Variants in NRXN3 observed in about 807,000 individuals in gnomAD.
NRXN3 encodes the protein neurexin 3, also known as neurexin III.
In NRXN3, 32 loss-of-function variants were observed where a neutral mutation model predicts 137.6. The observed-to-expected ratio is 0.23, with a 90% CI of 0.18 to 0.31. The LOEUF is 0.31. Among genes scored for constraint, NRXN3 ranks in the 10% least tolerant of loss-of-function variants. NRXN3 has a pLI of 1.00. For missense variants in NRXN3, 1,574 were observed against 2,062.5 expected (o/e 0.76, Z 4.59); for synonymous variants, 798 against 784.5 (o/e 1.02, Z -0.29).
At chr14:78,435,764 C>T (rs965294840) in intron 4 of NRXN3, among the ~76,000 whole-genome samples, 2 of 152,130 alleles carry the variant, frequency 1.3e-5, no homozygotes, top group Non-Finnish European at 2.9e-5. Context: ...CCAAAGGTCA[C>T]ACATCGACGT....
chr14:79,712,992 T>C (rs1335257434), intron 19 of NRXN3, among the ~76,000 whole-genome samples: 2 of 152,178 alleles, frequency 1.3e-5, no homozygotes, highest in Non-Finnish European at 2.9e-5. Context: ...ATCTGAAGAA[T>C]GTTTTATTCC....
chr14:78,252,817 T>C (rs1012629719), intron 2 of NRXN3, among the ~76,000 whole-genome samples: 3 of 152,238 alleles, frequency 2.0e-5, no homozygotes, highest in Non-Finnish European at 2.9e-5. Context: ...ATTTACTTAA[T>C]AGGTTGCTTT....
chr14:78,244,408 TGACA>T lies in NRXN3; in HGVS notation c.709+609_709+612del, dbSNP rs563759299. On this transcript the variant is annotated intron_variant, in intron 2 of 20. Transcript: ENST00000335750. ...ATGCACCACTGCACTCCAGCCTGGG[TGACA>T]GAGTGAGACTGTCTCAAAAAAGAAA... is the stretch of plus-strand genomic sequence containing the variant. 1.9e-4 allele frequency among the ~76,000 whole-genome samples: 29 copies of T among 149,466 alleles called. No homozygotes were observed. In the East Asian group the frequency reaches 4.6e-3, roughly 23 times the overall value.
chr14:79,103,650 A>C (rs2051788462), intron 15 of NRXN3, among the ~76,000 whole-genome samples: 1 of 152,118 alleles, frequency 6.6e-6, no homozygotes, highest in African/African-American at 2.4e-5. Context: ...CCATTGCCCA[A>C]GTTCCTGCAA....
chr14:78,929,455 G>A (rs900296601), intron 10 of NRXN3, among the ~76,000 whole-genome samples: 8 of 152,146 alleles, frequency 5.3e-5, no homozygotes, highest in African/African-American at 9.7e-5. Context: ...AGAACATGCA[G>A]TATTCAGTTT....
intron 15 of NRXN3, among the ~76,000 whole-genome samples, chr14:79,218,341 C>T (rs892275538): frequency 3.9e-5 from 6 of 152,068 alleles, no homozygotes; most frequent in Non-Finnish European, 4.4e-5. Flanking sequence ...CATCATGCCT[C>T]CAAAAACTGG....
intron 15 of NRXN3, among the ~76,000 whole-genome samples, chr14:79,049,466 C>T (rs568929369): frequency 6.6e-6 from 1 of 152,278 alleles, no homozygotes; most frequent in East Asian, 1.9e-4. Context: ...TCTGCAGTTA[C>T]TTCCTATGCC....
Position 78,432,261 on chromosome 14 carries a change from G to A in NRXN3, c.757+134401G>A, listed in dbSNP as rs112060623. 6.1e-3 allele frequency among the ~76,000 whole-genome samples: 926 copies of A among 151,440 alleles called. 10 individuals are homozygous for A. The highest frequency in any genetic ancestry group is 0.022 in the African/African-American group (889 of 41,174). On this transcript the variant is annotated intron_variant, in intron 4 of 20. Coordinates refer to ENST00000335750, the MANE Select transcript of NRXN3 (RefSeq NM_001330195.2). ...ATGCCAAGGCTGCTCCTTAGTGTGT[G>A]TATGGCTTGCCAGACCCATCTTCCA...
At chr14:78,932,498 G>T (rs541131962) in intron 10 of NRXN3, among the ~76,000 whole-genome samples, 1 of 152,160 alleles carries the variant, frequency 6.6e-6, no homozygotes. Flanking sequence ...TGGGATCAGA[G>T]TCTGATTGCA....
At position 78,756,883 on chromosome 14, in the gene NRXN3, T is replaced by G. The variant is rs149891494; in HGVS notation, c.2044+41744T>G. On this transcript the variant is annotated intron_variant, in intron 8 of 20. Coordinates refer to ENST00000335750, the MANE Select transcript of NRXN3 (RefSeq NM_001330195.2). ...CCTATATTTCTCCTTAATTTTCATT[T>G]GGTGGGTTATTAGATTTGGTTGAAG... Among the ~76,000 whole-genome samples, 300 of 152,358 alleles carry G rather than the reference T, an allele frequency of 2.0e-3. 1 individual carries two copies. Among genetic ancestry groups the G allele is most frequent in the African/African-American group, 6.9e-3 (289 of 41,592 alleles).
chr14:78,660,384 C>T (rs141186100), intron 6 of NRXN3, among the ~76,000 whole-genome samples: 1,691 of 151,932 alleles, frequency 0.011, 14 homozygotes, highest in South Asian at 0.027. Context: ...CTCCCAGCTC[C>T]GTTAGTGAGC....
At chr14:79,710,579 T>A (rs1329140114) in intron 19 of NRXN3, among the ~76,000 whole-genome samples, 1 of 152,214 alleles carries the variant, frequency 6.6e-6, no homozygotes, top group African/African-American at 2.4e-5. Context: ...CAAGGAGTAC[T>A]ATGATCTGGT....
At chr14:78,482,616 C>A (rs552339538) in intron 4 of NRXN3, among the ~76,000 whole-genome samples, 1 of 152,286 alleles carries the variant, frequency 6.6e-6, no homozygotes, top group East Asian at 1.9e-4. Context: ...GTCTCATGTA[C>A]TTCAACAAGG....
At chr14:79,386,723 A>C (rs1036685221) in intron 15 of NRXN3, among the ~76,000 whole-genome samples, 9 of 152,148 alleles carry the variant, frequency 5.9e-5, no homozygotes, top group African/African-American at 1.2e-4. Flanking sequence ...TACAGTAACC[A>C]AAACAGCATG....
rs188009150 is a variant in NRXN3, at chr14:78,227,095, C to A, written c.-703-15296C>A. 4.6e-5 allele frequency among the ~76,000 whole-genome samples: 7 copies of A among 152,196 alleles called. No homozygotes were observed. In the East Asian group the frequency reaches 1.4e-3, roughly 29 times the overall value. On this transcript the variant is annotated intron_variant, in intron 1 of 20. Transcript: ENST00000335750. ...TCCCTCTGGGCTCAACATTATGGTACCATGATTAATTAATGATTGATTAGT... is the reference window on the plus strand; with the variant it reads ...TCCCTCTGGGCTCAACATTATGGTAACATGATTAATTAATGATTGATTAGT...
chr14:79,433,721 A>G (rs1313748564), intron 15 of NRXN3, among the ~76,000 whole-genome samples: 4 of 152,228 alleles, frequency 2.6e-5, no homozygotes, highest in Admixed American at 2.6e-4. Flanking sequence ...GCAACATTTC[A>G]TAGATGATAA....
intron 15 of NRXN3, chr14:79,279,606 T>G: frequency 1.0e-6 from 1 of 987,058 alleles, no homozygotes; most frequent in Non-Finnish European, 1.2e-6. Context: ...CTGGCTGCGG[T>G]GGCTGCTGCT....
chr14:78,582,987 A>G (rs2097018700), intron 4 of NRXN3, among the ~76,000 whole-genome samples: 1 of 152,076 alleles, frequency 6.6e-6, no homozygotes, highest in South Asian at 2.1e-4. Flanking sequence ...GCCTTTATAA[A>G]TGGAATTGGC....
rs57745190 is a variant in NRXN3 at position 78,613,578 on chromosome 14, G to GTTTTTTTT, written c.758-31524_758-31517dup. 9.7e-4 allele frequency among the ~76,000 whole-genome samples: 92 copies of GTTTTTTTT among 95,096 alleles called. 1 individual carries two copies. The highest frequency in any genetic ancestry group is 4.0e-3 in the African/African-American group (86 of 21,702). 62.4% of individuals were successfully genotyped at this position (95,096 alleles called of 152,430 possible). A position where few individuals can be genotyped will look rare whatever the true frequency, so the allele number is the denominator to read the frequency against. On this transcript the variant is annotated intron_variant, in intron 4 of 20. Coordinates refer to ENST00000335750, the MANE Select transcript of NRXN3 (RefSeq NM_001330195.2). ...AGGAGAAAACTGTCTCACAACCATA[G>GTTTTTTTT]TTTTTTTTTTTTTTTTTTTTTTTTT...
Sources: gnomAD v4.1 joint callset for allele counts (sites outside exome capture counted in the v4.1 genomes callset) on GRCh38, gnomAD v4.1.1 for gene constraint, MANE v1.5 for transcripts, NCBI Gene and HGNC (gene_info 2026-07-23, HGNC 2026-07-21) for gene names.